RBFOX3: variants seen among roughly 807,000 people sequenced by gnomAD.
RBFOX3 encodes the protein RNA binding fox-1 homolog 3, also known as RNA binding protein fox-1 homolog 3.
In RBFOX3, 17 loss-of-function variants were observed where a neutral mutation model predicts 48.7. The ratio of observed to expected loss-of-function variants is 0.35; its 90% CI spans 0.24 to 0.52. The LOEUF is 0.52. Among genes scored for constraint, RBFOX3 ranks in the 20% least tolerant of loss-of-function variants. The probability of loss-of-function intolerance (pLI) is 0.94; values close to 1 mark genes in which losing one functional copy is unlikely to be tolerated. For synonymous variants in RBFOX3, 212 were observed against 209.5 expected (o/e 1.01, Z -0.10); for missense variants, 382 against 497.5 (o/e 0.77, Z 2.21).
chr17:79,358,669 C>T (rs2085700780), intron 2 of RBFOX3, among the ~76,000 whole-genome samples: 2 of 152,088 alleles, frequency 1.3e-5, no homozygotes, highest in Non-Finnish European at 1.5e-5. Context: ...CCATGTTGGC[C>T]AGGCTGGTCT....
intron 2 of RBFOX3, among the ~76,000 whole-genome samples, chr17:79,428,987 C>T (rs1170283402): frequency 2.0e-5 from 3 of 152,314 alleles, no homozygotes; most frequent in South Asian, 2.1e-4. Flanking sequence ...CAGTGCTTCC[C>T]TCACCGACTC....
chr17:79,420,737 C>A (rs533552358), intron 2 of RBFOX3, among the ~76,000 whole-genome samples: 1 of 152,222 alleles, frequency 6.6e-6, no homozygotes, highest in Non-Finnish European at 1.5e-5. Context: ...GGAATCTCAC[C>A]CCTGCCACAG....
At chr17:79,294,889 C>A (rs1057005743) in intron 3 of RBFOX3, among the ~76,000 whole-genome samples, 1 of 152,214 alleles carries the variant, frequency 6.6e-6, no homozygotes, top group African/African-American at 2.4e-5. Flanking sequence ...ATTCGTTTCC[C>A]TCCCAACTCT....
chr17:79,429,245 T>A (rs2067980777), intron 2 of RBFOX3, among the ~76,000 whole-genome samples: 1 of 152,050 alleles, frequency 6.6e-6, no homozygotes, highest in African/African-American at 2.4e-5. Flanking sequence ...TGACCCTCTG[T>A]GAGGAGAGGC....
At chr17:79,239,065 G>A (rs961989694) in intron 3 of RBFOX3, among the ~76,000 whole-genome samples, 1 of 152,196 alleles carries the variant, frequency 6.6e-6, no homozygotes, top group Non-Finnish European at 1.5e-5. Context: ...TCTCTGTGCA[G>A]AGCAGCCCAC....
intron 3 of RBFOX3, among the ~76,000 whole-genome samples, chr17:79,248,425 G>C (rs1478627661): frequency 6.6e-6 from 1 of 152,172 alleles, no homozygotes; most frequent in Non-Finnish European, 1.5e-5. Context: ...CCAGGTGTCT[G>C]TCCCTGGAAG....
chr17:79,436,380 C>T (rs2069456951), intron 2 of RBFOX3, among the ~76,000 whole-genome samples: 1 of 152,232 alleles, frequency 6.6e-6, no homozygotes, highest in Non-Finnish European at 1.5e-5. Flanking sequence ...GCCCCGGGTG[C>T]ACCTAAGCAT....
chr17:79,209,115 G>A (rs1022888276), intron 4 of RBFOX3, among the ~76,000 whole-genome samples: 22 of 151,978 alleles, frequency 1.4e-4, no homozygotes, highest in South Asian at 2.1e-4. Flanking sequence ...CACCACGCCC[G>A]GCCCCTGGCT....
At chr17:79,611,130 T>TCTCTCTCTCTCTCTCTCCC (rs1491548376), upstream of RBFOX3, among the ~76,000 whole-genome samples, 1 of 37,846 alleles carries the variant, frequency 2.6e-5, no homozygotes, top group South Asian at 9.3e-4. Context: ...TCCGCCCTCC[T>TCTCTCTCTCTCTCTCTCCC]TCTCTCTCTC....
chr17:79,262,160 C>T (rs2065893267), intron 3 of RBFOX3, among the ~76,000 whole-genome samples: 1 of 152,274 alleles, frequency 6.6e-6, no homozygotes, highest in South Asian at 2.1e-4. Flanking sequence ...CTCGTGGCCA[C>T]AGCTCTGTAC....
chr17:79,423,468 A>G lies in RBFOX3; in HGVS notation c.-175+58986T>C, dbSNP rs186576183. ...CCCAGCCCCCGGCTATTCTCAGCACAGCAGCCAAAGAGATTCCTTTAAAAT... is the reference window on the plus strand; with the variant it reads ...CCCAGCCCCCGGCTATTCTCAGCACGGCAGCCAAAGAGATTCCTTTAAAAT... On this transcript the variant is annotated intron_variant, in intron 2 of 14. Transcript: ENST00000693108. The surrounding 1 kb of genome is among the most constrained non-coding windows in gnomAD (Gnocchi z 4.9). 5.0e-3 allele frequency among the ~76,000 whole-genome samples: 760 copies of G among 152,212 alleles called. 5 individuals are homozygous for G. The highest frequency in any genetic ancestry group is 9.0e-3 in the Admixed American group (138 of 15,300).
At chr17:79,630,912 C>T in the RBFOX3 span, among the ~76,000 whole-genome samples, 2 of 152,160 alleles carry the variant, frequency 1.3e-5, no homozygotes, top group African/African-American at 4.8e-5. Flanking sequence ...CAGGCTTCCC[C>T]CAGAGCAAGC....
rs547532517 is a variant in RBFOX3, at chr17:79,199,132, C to A, written c.-34+36634G>T. Among the ~76,000 whole-genome samples the A allele has an allele frequency of 6.6e-6, 1 of 152,276 alleles. No individual in the cohort carries two copies. Among genetic ancestry groups the A allele is most frequent in the African/African-American group, 2.4e-5 (1 of 41,540 alleles). On this transcript the variant is annotated intron_variant, in intron 4 of 14. Coordinates refer to ENST00000693108, the MANE Select transcript of RBFOX3 (RefSeq NM_001350451.2). This position sits in a 1 kb window ranked among gnomAD's most constrained non-coding sequence, Gnocchi z 5.1. ...GGGGGCTGTCTCCATGGAGTGAAAG[C>A]TGCCCAGCAAAGGGTGCAGCTGTGG...
rs942638565 is a variant in RBFOX3, at chr17:79,607,710, C to T, written c.-320+3116G>A. 1.8e-3 allele frequency among the ~76,000 whole-genome samples: 270 copies of T among 152,296 alleles called. 2 individuals are homozygous for T. The highest frequency in any genetic ancestry group is 4.0e-3 in the Admixed American group (61 of 15,302). On this transcript the variant is annotated intron_variant, in intron 1 of 14. Coordinates refer to ENST00000693108, the MANE Select transcript of RBFOX3 (RefSeq NM_001350451.2). ...CAACTGCCACACATCGGTATGAAGG[C>T]GCCTTAGGCCAGGGCTGAATGTGGC...
chr17:79,518,331 CTA>C (rs1275149607), intron 1 of RBFOX3, among the ~76,000 whole-genome samples: 2 of 152,230 alleles, frequency 1.3e-5, no homozygotes, highest in Non-Finnish European at 2.9e-5. Flanking sequence ...TATATACGAT[CTA>C]TGACAGCAGC....
intron 4 of RBFOX3, among the ~76,000 whole-genome samples, chr17:79,142,921 T>C (rs1411340760): frequency 2.6e-5 from 4 of 152,086 alleles, no homozygotes; most frequent in African/African-American, 9.7e-5. Context: ...CTCCCACCCA[T>C]GCACGTGGCC....
intron 5 of RBFOX3, among the ~76,000 whole-genome samples, chr17:79,113,865 G>A (rs2032954140): frequency 3.4e-5 from 5 of 149,036 alleles, no homozygotes; most frequent in South Asian, 2.2e-4. Flanking sequence ...AATGTCTGCC[G>A]AGTGAAGGAA....
chr17:79,286,610 G>T (rs769090044), intron 3 of RBFOX3, among the ~76,000 whole-genome samples: 2 of 152,200 alleles, frequency 1.3e-5, no homozygotes, highest in South Asian at 4.1e-4. Flanking sequence ...GCGGCTCCCA[G>T]CCTCGCCAGC....
At chr17:79,468,756 G>T (rs2076656009) in intron 2 of RBFOX3, among the ~76,000 whole-genome samples, 1 of 151,914 alleles carries the variant, frequency 6.6e-6, no homozygotes, top group African/African-American at 2.4e-5. Context: ...TAGACAGGAG[G>T]ATGGATGGAT....
Sources: gnomAD v4.1 joint callset for allele counts (sites outside exome capture counted in the v4.1 genomes callset) on GRCh38, gnomAD v4.1.1 for gene constraint, Gnocchi (gnomAD v3.1) non-coding constraint, MANE v1.5 for transcripts, NCBI Gene and HGNC (gene_info 2026-07-23, HGNC 2026-07-21) for gene names.